Variants in TMEM67 observed in about 807,000 individuals in gnomAD.
TMEM67 encodes the protein meckelin.
In TMEM67, 124 loss-of-function variants were observed where a neutral mutation model predicts 136.6. The ratio of observed to expected loss-of-function variants is 0.91; its 90% CI spans 0.78 to 1.05. The LOEUF is 1.05. TMEM67 is among the 50% of genes least tolerant of loss of function. The pLI is 0.00. For missense variants in TMEM67, 1,107 were observed against 1,178.4 expected (o/e 0.94, Z 0.89); for synonymous variants, 364 against 390.5 (o/e 0.93, Z 0.80).
intron 20 of TMEM67, 28 bp downstream of exon 20, chr8:93,797,498 C>A: frequency 6.3e-7 from 1 of 1,597,538 alleles, no homozygotes; most frequent in Non-Finnish European, 8.6e-7. Context: ...TGATTATATG[C>A]GACTTACATG....
downstream of TMEM67, among the ~76,000 whole-genome samples, chr8:93,823,716 C>T (rs1345331208): frequency 2.6e-5 from 4 of 151,850 alleles, no homozygotes; most frequent in South Asian, 2.1e-4. Context: ...TGACCAGATT[C>T]GAAAAGGGAT....
At position 93,765,579 on chromosome 8, in the gene TMEM67, G is replaced by T. The variant is rs1159521466; in HGVS notation, c.584G>T (p.Gly195Val). Reference sequence around the variant, plus strand: ...CCTCATTTATTTATGAAGACAGGGGGATTATGTTTCAGCAGCACAGGGAAT... The same window carrying T: ...CCTCATTTATTTATGAAGACAGGGGTATTATGTTTCAGCAGCACAGGGAAT... Reference protein sequence around the residue: ...ACSEPNILTGGLCFSSTGNFP... With the variant: ...ACSEPNILTGVLCFSSTGNFP... Residue 195 changes from glycine to valine, a missense_variant, in exon 6 of 28, where the codon GGA (glycine) becomes GTA (valine). This residue lies in a region of TMEM67 where 925 missense variants were observed against 1,002.4 expected (regional missense o/e 0.92). Transcript: ENST00000453321. The T allele has an allele frequency of 6.2e-7, 1 of 1,612,398 alleles. No homozygotes were observed. The highest frequency in any genetic ancestry group is 8.5e-7 in the Non-Finnish European group (1 of 1,178,494).
At chr8:93,778,919 A>G (rs1250137822) in intron 7 of TMEM67, among the ~76,000 whole-genome samples, 2 of 152,186 alleles carry the variant, frequency 1.3e-5, no homozygotes, top group Non-Finnish European at 2.9e-5. Flanking sequence ...AGGTTGGGGA[A>G]GTTCTCCTGG....
rs1289935148 is a variant in TMEM67 at position 93,804,890 on chromosome 8, T to G, written c.2439+12T>G. 3 of 1,408,992 alleles carry G rather than the reference T, an allele frequency of 2.1e-6. No homozygotes were observed. The East Asian group carries it at 6.9e-5, about 32-fold the overall frequency. The allele number at this position is 1,408,992 out of a possible 1,614,324, so 87.3% of individuals were successfully genotyped here. A position where few individuals can be genotyped will look rare whatever the true frequency, so the allele number is the denominator to read the frequency against. Reference sequence around the variant, plus strand: ...TTAAAAGAGAAGCGGTATGAAAATGTTTTACATCTTTTTGTTTTTAAGTTG... The same window carrying G: ...TTAAAAGAGAAGCGGTATGAAAATGGTTTACATCTTTTTGTTTTTAAGTTG... On this transcript the variant is annotated intron_variant, in intron 23 of 27. Coordinates refer to ENST00000453321, the MANE Select transcript of TMEM67 (RefSeq NM_153704.6).
chr8:93,770,895 AC>A (rs1457703759), intron 6 of TMEM67, among the ~76,000 whole-genome samples: 2 of 151,718 alleles, frequency 1.3e-5, no homozygotes, highest in Admixed American at 6.6e-5. Context: ...GGCTCCTGTA[AC>A]CCCAGCTACT....
intron 6 of TMEM67, among the ~76,000 whole-genome samples, chr8:93,768,528 C>T (rs1020816903): frequency 6.6e-6 from 1 of 151,918 alleles, no homozygotes; most frequent in African/African-American, 2.4e-5. Context: ...GAGAATCACT[C>T]GAACCTGGTA....
chr8:93,804,340 G>T (rs1586081743), intron 22 of TMEM67, among the ~76,000 whole-genome samples: 2 of 99,736 alleles, frequency 2.0e-5, no homozygotes, highest in African/African-American at 7.7e-5. Flanking sequence ...TTTGAGAAAA[G>T]GTCTCGCACT....
chr8:93,760,677 C>CA (rs111765822), intron 3 of TMEM67, among the ~76,000 whole-genome samples: 44,548 of 127,040 alleles, frequency 0.35, 6,977 homozygotes, highest in East Asian at 0.61. Flanking sequence ...TCTGTGTCTA[C>CA]AAAAAAAAAA....
chr8:93,788,340 A>G (rs1814213475), intron 14 of TMEM67, among the ~76,000 whole-genome samples: 1 of 152,178 alleles, frequency 6.6e-6, no homozygotes, highest in Non-Finnish European at 1.5e-5. Context: ...TAAGGCGGGC[A>G]GATCATGAAG....
the TMEM67 span, among the ~76,000 whole-genome samples, chr8:93,830,520 C>G: frequency 6.6e-6 from 1 of 152,168 alleles, no homozygotes; most frequent in Non-Finnish European, 1.5e-5. Context: ...TGGGATCTGA[C>G]ACTGTCTCCA....
intron 26 of TMEM67, among the ~76,000 whole-genome samples, chr8:93,811,870 C>G (rs1484360753): frequency 6.6e-6 from 1 of 151,706 alleles, no homozygotes; most frequent in African/African-American, 2.4e-5. Flanking sequence ...GCTAATGGGG[C>G]CAGGTGCGGT....
At chr8:93,826,216 G>A in the TMEM67 span, among the ~76,000 whole-genome samples, 12 of 122,892 alleles carry the variant, frequency 9.8e-5, no homozygotes, top group Non-Finnish European at 1.4e-4. Flanking sequence ...TGCAAGCTCC[G>A]CCTCCCAGGT....
At chr8:93,783,451 C>T (rs146729253) in intron 11 of TMEM67, among the ~76,000 whole-genome samples, 120 of 152,196 alleles carry the variant, frequency 7.9e-4, no homozygotes, top group African/African-American at 2.7e-3. Flanking sequence ...TTCTTCTACC[C>T]GCTCATAACA....
At chr8:93,815,190 A>C in intron 26 of TMEM67, 115 bp from the exon 27 acceptor site, 1 of 660,972 alleles carries the variant, frequency 1.5e-6, no homozygotes, top group South Asian at 2.1e-5. Flanking sequence ...AGTATTGTAT[A>C]CAGTATGTTT....
chr8:93,769,748 A>T (rs556246941), intron 6 of TMEM67: 12 of 162,550 alleles, frequency 7.4e-5, no homozygotes, highest in African/African-American at 2.9e-4. Context: ...AATTAAACTT[A>T]GACGAGATTA....
At chr8:93,789,920 C>CA (rs1037984593) in intron 14 of TMEM67, among the ~76,000 whole-genome samples, 2 of 149,620 alleles carry the variant, frequency 1.3e-5, no homozygotes, top group Non-Finnish European at 3.0e-5. Context: ...AATACAACAA[C>CA]AAAAAAAATT....
chr8:93,830,889 C>G, the TMEM67 span, among the ~76,000 whole-genome samples: 1 of 152,208 alleles, frequency 6.6e-6, no homozygotes, highest in Admixed American at 6.5e-5. Flanking sequence ...CATGAATAAT[C>G]AAAGAAAGTT....
At chr8:93,780,303 TC>T (rs1336443430) in intron 7 of TMEM67, among the ~76,000 whole-genome samples, 64 of 151,914 alleles carry the variant, frequency 4.2e-4, no homozygotes. Flanking sequence ...GAAAGGGAAA[TC>T]CCCCAACCCC....
chr8:93,815,126 C>A (rs910034938), intron 26 of TMEM67, among the ~76,000 whole-genome samples, 179 bp from the exon 27 acceptor site: 1 of 152,082 alleles, frequency 6.6e-6, no homozygotes, highest in African/African-American at 2.4e-5. Context: ...TTTAACTAAC[C>A]TCTTTTAGAT....
Sources: allele counts gnomAD v4.1 joint callset (sites outside exome capture counted in the v4.1 genomes callset), GRCh38; gene constraint gnomAD v4.1.1; regional missense constraint gnomAD v4.1.1; transcripts MANE v1.5; gene names NCBI Gene and HGNC (gene_info 2026-07-23, HGNC 2026-07-21).